DHDDS: variants seen among roughly 807,000 people sequenced by gnomAD.
DHDDS encodes the protein dehydrodolichyl diphosphate synthase complex subunit DHDDS.
DHDDS carries 16 observed loss-of-function variants against 46.2 expected under a neutral mutation model. That is an observed-to-expected ratio of 0.35 (90% CI 0.23 to 0.53). DHDDS has a LOEUF of 0.53. Among genes scored for constraint, DHDDS ranks in the 20% least tolerant of loss-of-function variants. DHDDS has a pLI of 0.94. For missense variants in DHDDS, 340 were observed against 423.7 expected (o/e 0.80, Z 1.73); for synonymous variants, 151 against 163.1 (o/e 0.93, Z 0.56).
At chr1:26,450,119 GA>G (rs767646117) in intron 6 of DHDDS, among the ~76,000 whole-genome samples, 2 of 152,138 alleles carry the variant, frequency 1.3e-5, no homozygotes, top group Non-Finnish European at 2.9e-5. Context: ...CTTGAGCAAA[GA>G]GGGGATGAGA....
chr1:26,462,487 A>T (rs911080082), intron 8 of DHDDS, among the ~76,000 whole-genome samples: 2 of 152,010 alleles, frequency 1.3e-5, no homozygotes, highest in East Asian at 3.8e-4. Flanking sequence ...TTCATTTCCT[A>T]CTGCTGTCAA....
At chr1:26,439,178 C>T (rs1286323408) in intron 3 of DHDDS, among the ~76,000 whole-genome samples, 1 of 152,068 alleles carries the variant, frequency 6.6e-6, no homozygotes, top group Non-Finnish European at 1.5e-5. Context: ...TGATCCACCC[C>T]CTTCAGCCTC....
At chr1:26,451,648 A>G (rs1257374807) in intron 6 of DHDDS, among the ~76,000 whole-genome samples, 3 of 135,262 alleles carry the variant, frequency 2.2e-5, no homozygotes, top group East Asian at 4.1e-4. Flanking sequence ...TTTTTTTTTG[A>G]GACAGAGTCT....
chr1:26,447,296 G>A (rs959613767), intron 5 of DHDDS, among the ~76,000 whole-genome samples: 2 of 152,024 alleles, frequency 1.3e-5, no homozygotes, highest in Non-Finnish European at 2.9e-5. Flanking sequence ...CTTCAGCCTG[G>A]GCGACAAGAG....
intron 2 of DHDDS, among the ~76,000 whole-genome samples, chr1:26,437,343 C>T (rs954247367): frequency 2.0e-5 from 3 of 152,064 alleles, no homozygotes; most frequent in Admixed American, 6.6e-5. Flanking sequence ...TCAGTAAACA[C>T]GTAAATAAAA....
intron 7 of DHDDS, 55 bp downstream of exon 7, chr1:26,457,960 C>A: frequency 6.7e-7 from 1 of 1,485,718 alleles, no homozygotes; most frequent in South Asian, 1.1e-5. Flanking sequence ...CAACTGTATC[C>A]ACAGAATGGA....
chr1:26,445,401 G>A (rs931320193), intron 4 of DHDDS, among the ~76,000 whole-genome samples: 4 of 152,170 alleles, frequency 2.6e-5, no homozygotes, highest in South Asian at 2.1e-4. Flanking sequence ...ACATGAGGTC[G>A]TGTAATGTAT....
chr1:26,437,877 A>T (rs567924035), intron 2 of DHDDS, among the ~76,000 whole-genome samples: 1 of 152,170 alleles, frequency 6.6e-6, no homozygotes, highest in Non-Finnish European at 1.5e-5. Flanking sequence ...ACTCAGCGGG[A>T]GGCAGAGGTG....
At chr1:26,437,815 G>A (rs1252036113) in intron 2 of DHDDS, among the ~76,000 whole-genome samples, 4 of 151,200 alleles carry the variant, frequency 2.6e-5, no homozygotes, top group Non-Finnish European at 4.4e-5. Context: ...AAAAAGAAAA[G>A]AAAAGAAAAA....
At chr1:26,433,675 CAAAA>C (rs576315586) in intron 2 of DHDDS, among the ~76,000 whole-genome samples, 5 of 94,700 alleles carry the variant, frequency 5.3e-5, no homozygotes, top group African/African-American at 3.5e-5. Context: ...GACTCTGTCT[CAAAA>C]AAAAAAAAAA....
chr1:26,460,472 A>G (rs974166590), intron 8 of DHDDS, among the ~76,000 whole-genome samples: 8 of 152,246 alleles, frequency 5.3e-5, no homozygotes, highest in Admixed American at 1.3e-4. Context: ...TTATCTTTTA[A>G]AGACTCAGGA....
Position 26,454,517 on chromosome 1 carries a change from G to C in DHDDS, c.543-3274G>C, listed in dbSNP as rs896779678. 9.0e-6 allele frequency: 5 copies of C among 553,106 alleles called. No individual in the cohort carries two copies. In the African/African-American group the frequency reaches 9.5e-5, roughly 10 times the overall value. The allele number at this position is 553,106 out of a possible 1,614,324, so 34.3% of individuals were successfully genotyped here. ...TATAGCACTTTATAGTTCCCAAAGTGCACTCAAATCTATTATTTCATTTGA... is the reference window on the plus strand; with the variant it reads ...TATAGCACTTTATAGTTCCCAAAGTCCACTCAAATCTATTATTTCATTTGA... On this transcript the variant is annotated intron_variant, in intron 6 of 8. Transcript: ENST00000236342.
At chr1:26,453,632 T>C (rs2075342303) in intron 6 of DHDDS, among the ~76,000 whole-genome samples, 1 of 151,956 alleles carries the variant, frequency 6.6e-6, no homozygotes, top group African/African-American at 2.4e-5. Flanking sequence ...CATGCACCTA[T>C]AGTCACAGCT....
At chr1:26,457,939 C>A in intron 7 of DHDDS, 34 bp downstream of exon 7, 3 of 1,563,830 alleles carry the variant, frequency 1.9e-6, no homozygotes, top group South Asian at 2.2e-5. Context: ...ATGTTTGTGT[C>A]ATGGGGAAAC....
At chr1:26,453,025 G>A (rs139966478) in intron 6 of DHDDS, among the ~76,000 whole-genome samples, 23 of 152,158 alleles carry the variant, frequency 1.5e-4, no homozygotes, top group Non-Finnish European at 2.2e-4. Context: ...CTAGCAGGTC[G>A]AGGCTGCAAT....
intron 7 of DHDDS, 66 bp downstream of exon 7, chr1:26,457,971 T>C: frequency 7.1e-7 from 1 of 1,407,042 alleles, no homozygotes; most frequent in Non-Finnish European, 1.0e-6. Flanking sequence ...ACAGAATGGA[T>C]CAGAGTGGTC....
intron 6 of DHDDS, chr1:26,448,563 A>G: frequency 6.6e-6 from 1 of 152,334 alleles, no homozygotes; most frequent in East Asian, 1.9e-4. Flanking sequence ...GAAGCCATTT[A>G]AATATTTGGT....
intron 4 of DHDDS, among the ~76,000 whole-genome samples, chr1:26,444,737 C>T (rs1442849736): frequency 3.3e-5 from 5 of 151,922 alleles, no homozygotes; most frequent in Admixed American, 2.6e-4. Context: ...TGCAACAGAT[C>T]GAGACCCTGT....
chr1:26,455,360 T>C (rs1200085772), intron 6 of DHDDS, among the ~76,000 whole-genome samples: 1 of 152,164 alleles, frequency 6.6e-6, no homozygotes, highest in Non-Finnish European at 1.5e-5. Flanking sequence ...AGAGCCCTTC[T>C]TATTGCTCAA....
Sources: gnomAD v4.1 joint callset for allele counts (sites outside exome capture counted in the v4.1 genomes callset) on GRCh38, gnomAD v4.1.1 for gene constraint, MANE v1.5 for transcripts, NCBI Gene and HGNC (gene_info 2026-07-23, HGNC 2026-07-21) for gene names.